GNAQ: variants seen among roughly 807,000 people sequenced by gnomAD.
GNAQ encodes guanine nucleotide-binding protein G(q) subunit alpha.
In GNAQ, 8 loss-of-function variants were observed where a neutral mutation model predicts 43.9. The observed-to-expected ratio is 0.18, with a 90% CI of 0.11 to 0.33. The LOEUF is 0.33. GNAQ is among the 10% of genes least tolerant of loss of function. The pLI, the probability that GNAQ is intolerant of heterozygous loss-of-function variation, is 1.00. For missense variants in GNAQ, 158 were observed against 450.8 expected (o/e 0.35, Z 5.88); for synonymous variants, 155 against 170.7 (o/e 0.91, Z 0.71).
chr9:77,763,133 CAAACAAACAA>C (rs905399280), intron 5 of GNAQ, among the ~76,000 whole-genome samples: 24 of 67,784 alleles, frequency 3.5e-4, no homozygotes, highest in Non-Finnish European at 3.1e-4. Context: ...AATAAACAAA[CAAACAAACAA>C]AAAAAAAAAA....
chr9:77,797,745 T>C, intron 3 of GNAQ, 97 bp from the exon 4 acceptor site: 1 of 1,059,816 alleles, frequency 9.4e-7, no homozygotes, highest in Non-Finnish European at 1.4e-6. Flanking sequence ...AACAGAGAAG[T>C]AAAGAAGAGA....
At chr9:77,779,360 C>T (rs905648237) in intron 5 of GNAQ, among the ~76,000 whole-genome samples, 5 of 151,590 alleles carry the variant, frequency 3.3e-5, no homozygotes, top group Admixed American at 1.3e-4. Flanking sequence ...TTGAACTAAA[C>T]GAAAAATTAA....
chr9:77,909,097 C>T (rs181152560), intron 2 of GNAQ, among the ~76,000 whole-genome samples: 1 of 152,212 alleles, frequency 6.6e-6, no homozygotes, highest in Non-Finnish European at 1.5e-5. Flanking sequence ...AAAAAGGCAC[C>T]CCTTCCTCTG....
At chr9:77,770,920 T>G (rs13283414) in intron 5 of GNAQ, among the ~76,000 whole-genome samples, 1 of 152,208 alleles carries the variant, frequency 6.6e-6, no homozygotes, top group South Asian at 2.1e-4. Context: ...ATAAAACATT[T>G]TTCATTTTCT....
intron 6 of GNAQ, among the ~76,000 whole-genome samples, chr9:77,721,905 A>C (rs750837647): frequency 2.0e-5 from 3 of 152,136 alleles, no homozygotes; most frequent in Non-Finnish European, 4.4e-5. Context: ...ACAAAGATAC[A>C]GCTGCCTCGG....
intron 2 of GNAQ, among the ~76,000 whole-genome samples, chr9:77,858,586 C>CGG (rs1827795646): frequency 1.3e-5 from 2 of 152,108 alleles, no homozygotes; most frequent in Non-Finnish European, 2.9e-5. Flanking sequence ...TCTCAGTCTT[C>CGG]ACCCTCCTCT....
At chr9:77,722,309 A>ATAT (rs1333182104) in intron 6 of GNAQ, among the ~76,000 whole-genome samples, 1 of 151,340 alleles carries the variant, frequency 6.6e-6, no homozygotes, top group Non-Finnish European at 1.5e-5. Flanking sequence ...GCTAATTTTT[A>ATAT]TATTTTTAGT....
chr9:77,784,734 C>A (rs1442458018), intron 5 of GNAQ, among the ~76,000 whole-genome samples: 1 of 152,124 alleles, frequency 6.6e-6, no homozygotes, highest in Non-Finnish European at 1.5e-5. Context: ...AACGGACGTG[C>A]ATCACTGATT....
chr9:77,756,372 T>C (rs1467738938), intron 5 of GNAQ, among the ~76,000 whole-genome samples: 1 of 152,244 alleles, frequency 6.6e-6, no homozygotes, highest in Admixed American at 6.5e-5. Flanking sequence ...TGACTGAAAG[T>C]CTGGTCTGCC....
chr9:77,805,213 C>T (rs1046359565), intron 3 of GNAQ, among the ~76,000 whole-genome samples: 53 of 152,128 alleles, frequency 3.5e-4, no homozygotes, highest in African/African-American at 1.0e-3. Context: ...TGACAGGAGC[C>T]TGGCTGGTAA....
chr9:77,976,556 T>C (rs551808314), intron 1 of GNAQ, among the ~76,000 whole-genome samples: 11 of 152,218 alleles, frequency 7.2e-5, no homozygotes, highest in African/African-American at 2.6e-4. Flanking sequence ...CCACGCTGGC[T>C]AATTTTTGCA....
chr9:77,748,712 C>G (rs1348932561), intron 5 of GNAQ, among the ~76,000 whole-genome samples: 1 of 152,178 alleles, frequency 6.6e-6, no homozygotes, highest in Non-Finnish European at 1.5e-5. Context: ...AAAATGTCAA[C>G]TGTTATTGTC....
At chr9:77,816,549 C>T (rs1225979711) in intron 2 of GNAQ, among the ~76,000 whole-genome samples, 1 of 152,188 alleles carries the variant, frequency 6.6e-6, no homozygotes, top group East Asian at 1.9e-4. Context: ...CCGGAATACA[C>T]GACTGCCTAA....
At chr9:77,951,092 CT>C (rs35044662) in intron 1 of GNAQ, among the ~76,000 whole-genome samples, 97 of 89,290 alleles carry the variant, frequency 1.1e-3, no homozygotes, top group African/African-American at 2.3e-3. Context: ...GTCAAGTGTT[CT>C]TTTTTTTTTT....
chr9:77,920,428 G>C (rs976797538), intron 2 of GNAQ, among the ~76,000 whole-genome samples: 5 of 152,038 alleles, frequency 3.3e-5, no homozygotes, highest in African/African-American at 1.2e-4. Context: ...CACACACATG[G>C]TAAGTCAGGC....
intron 6 of GNAQ, among the ~76,000 whole-genome samples, chr9:77,727,613 T>C (rs1419900273): frequency 6.6e-6 from 1 of 152,176 alleles, no homozygotes; most frequent in Non-Finnish European, 1.5e-5. Context: ...CATTGGGCTA[T>C]GAAGTTTCAA....
At chr9:77,821,605 T>C (rs1205377705) in intron 2 of GNAQ, among the ~76,000 whole-genome samples, 2 of 152,108 alleles carry the variant, frequency 1.3e-5, no homozygotes, top group African/African-American at 4.8e-5. Flanking sequence ...ATTACATAAT[T>C]CCATTACAAA....
chr9:77,929,631 GA>G (rs1164039962), intron 1 of GNAQ, among the ~76,000 whole-genome samples: 1 of 152,030 alleles, frequency 6.6e-6, no homozygotes, highest in Non-Finnish European at 1.5e-5. Context: ...AGGTGTTCAA[GA>G]CCAGCCTGGG....
chr9:77,877,413 GTTCTT>G (rs1200297242), intron 2 of GNAQ, among the ~76,000 whole-genome samples: 2 of 152,110 alleles, frequency 1.3e-5, no homozygotes, highest in Admixed American at 1.3e-4. Flanking sequence ...AAACTCATCA[GTTCTT>G]TTCAAGGACA....
Sources: gnomAD v4.1 joint callset for allele counts (sites outside exome capture counted in the v4.1 genomes callset) on GRCh38, gnomAD v4.1.1 for gene constraint, MANE v1.5 for transcripts, NCBI Gene and HGNC (gene_info 2026-07-23, HGNC 2026-07-21) for gene names.